The following GET4 variants were observed in gnomAD, a reference collection of about 807,000 sequenced individuals.
The protein encoded by GET4 is guided entry of tail-anchored proteins factor 4.
In GET4, 20 loss-of-function variants were observed where a neutral mutation model predicts 40.0. That is an observed-to-expected ratio of 0.50 (90% CI 0.35 to 0.73). The LOEUF (loss-of-function observed/expected upper bound fraction) is 0.73, where lower values mean the gene tolerates loss of function less well. Among genes scored for constraint, GET4 ranks in the 30% least tolerant of loss-of-function variants. The pLI, the probability that GET4 is intolerant of heterozygous loss-of-function variation, is 0.01. For synonymous variants in GET4, 280 were observed against 194.6 expected (o/e 1.44, Z -3.65); for missense variants, 557 against 454.0 (o/e 1.23, Z -2.06).
rs762630690 is a variant in GET4 at position 895,469 on chromosome 7, G to T, written c.*47G>T. 3 of 1,022,106 alleles carry T rather than the reference G, an allele frequency of 2.9e-6. No homozygotes were observed. Among genetic ancestry groups the T allele is most frequent in the Non-Finnish European group, 4.6e-6 (3 of 656,502 alleles). The allele number at this position is 1,022,106 out of a possible 1,614,324, so 63.3% of individuals were successfully genotyped here. On this transcript the variant is annotated 3_prime_UTR_variant, in exon 9 of 9. Transcript: ENST00000265857. ...CACCACGGTCGACGACGGCTGGAGGGACGTTTCAGAGGCGAGTCCTGGGTG... is the reference window on the plus strand; with the variant it reads ...CACCACGGTCGACGACGGCTGGAGGTACGTTTCAGAGGCGAGTCCTGGGTG...
intron 8 of GET4, 117 bp downstream of exon 8, chr7:894,088 A>C: frequency 6.6e-6 from 4 of 608,780 alleles, no homozygotes; most frequent in Non-Finnish European, 1.1e-5. Context: ...CTGATCTTTT[A>C]AATGTTTCTC....
At chr7:878,372 G>C (rs763605929) in intron 1 of GET4, 4 of 471,068 alleles carry the variant, frequency 8.5e-6, no homozygotes, top group South Asian at 6.2e-5. Flanking sequence ...TATCTCTTAT[G>C]GTTCAGGTCA....
chr7:886,398 C>G, intron 2 of GET4, 171 bp from the exon 3 acceptor site: 1 of 627,832 alleles, frequency 1.6e-6, no homozygotes. Context: ...TCATGTGATT[C>G]TCGGCCAGGA....
At chr7:876,908 G>A in intron 1 of GET4, 108 bp downstream of exon 1, 1 of 508,982 alleles carries the variant, frequency 2.0e-6, no homozygotes, top group Non-Finnish European at 2.6e-6. Context: ...TGCCCGTCGC[G>A]GGGGCGAGCT....
chr7:883,387 C>T (rs1269337283), intron 1 of GET4: 8 of 407,714 alleles, frequency 2.0e-5, no homozygotes, highest in East Asian at 1.6e-4. Context: ...GGGCGGGATT[C>T]GCCCCATGAG....
At chr7:892,166 C>A (rs536923301) in intron 5 of GET4, 112 bp from the exon 6 acceptor site, 5 of 1,091,236 alleles carry the variant, frequency 4.6e-6, no homozygotes, top group Non-Finnish European at 6.8e-6. Context: ...GGCCTTGGGC[C>A]GCAGGAACCG....
At chr7:885,109 T>C (rs927613371) in intron 1 of GET4, 4 of 152,250 alleles carry the variant, frequency 2.6e-5, no homozygotes, top group African/African-American at 9.6e-5. Flanking sequence ...AGTATTTTTC[T>C]TTAACTAGAT....
intron 8 of GET4, among the ~76,000 whole-genome samples, chr7:894,885 G>A (rs1393895281): frequency 1.3e-5 from 2 of 152,226 alleles, no homozygotes; most frequent in African/African-American, 4.8e-5. Flanking sequence ...GCCCCTGTGG[G>A]AGCAGCCGTT....
chr7:877,129 C>T (rs1445419650), intron 1 of GET4, among the ~76,000 whole-genome samples: 5 of 151,806 alleles, frequency 3.3e-5, no homozygotes, highest in African/African-American at 7.3e-5. Flanking sequence ...TCCTCTGTCT[C>T]CTCGGCCGCC....
intron 1 of GET4, chr7:885,735 G>C: frequency 3.3e-6 from 1 of 304,072 alleles, no homozygotes; most frequent in Non-Finnish European, 6.2e-6. Context: ...CCTTCCCTGC[G>C]CACCTGCCCT....
chr7:894,106 T>TTTTG (rs923767198), intron 8 of GET4, 135 bp downstream of exon 8: 20 of 586,980 alleles, frequency 3.4e-5, no homozygotes, highest in African/African-American at 5.7e-5. Flanking sequence ...CTCAGTTTAC[T>TTTTG]TTTGTTAGTA....
chr7:878,482 C>T (rs1844014639), intron 1 of GET4, among the ~76,000 whole-genome samples: 1 of 152,058 alleles, frequency 6.6e-6, no homozygotes, highest in Non-Finnish European at 1.5e-5. Flanking sequence ...TGCCACAGGG[C>T]CGTGAATGTT....
At chr7:886,181 C>T in intron 2 of GET4, 47 bp downstream of exon 2, 1 of 1,269,294 alleles carries the variant, frequency 7.9e-7, no homozygotes. Context: ...TCCGGGCAGG[C>T]AAGTGGAGGT....
At chr7:877,438 C>G (rs1476361160) in intron 1 of GET4, among the ~76,000 whole-genome samples, 16 of 115,974 alleles carry the variant, frequency 1.4e-4, no homozygotes, top group African/African-American at 4.9e-4. Context: ...TGCCCTCACT[C>G]CCGTCTCTCT....
At chr7:883,880 G>C (rs1172580650) in intron 1 of GET4, 3 of 1,024,048 alleles carry the variant, frequency 2.9e-6, no homozygotes, top group African/African-American at 3.4e-5. Flanking sequence ...ACCTGGAAAC[G>C]GGTGCCCCCA....
intron 5 of GET4, 73 bp from the exon 6 acceptor site, chr7:892,205 C>T (rs758673346): frequency 3.1e-5 from 47 of 1,500,142 alleles, no homozygotes; most frequent in African/African-American, 3.0e-4. Flanking sequence ...AAGGACATGT[C>T]GGAGGCCGGC....
rs117846807 is a variant in GET4 at position 892,533 on chromosome 7, G to A, written c.746+115G>A. On this transcript the variant is annotated intron_variant, in intron 6 of 8. Coordinates refer to ENST00000265857, the MANE Select transcript of GET4 (RefSeq NM_015949.3). Reference sequence around the variant, plus strand: ...AAGTGTAGCCATGGTGTGGGTAGCCGTGTGGGTATATGCATAGGGTATGAG... The same window carrying A: ...AAGTGTAGCCATGGTGTGGGTAGCCATGTGGGTATATGCATAGGGTATGAG... 8,375 of 1,142,052 alleles carry A rather than the reference G, an allele frequency of 7.3e-3. 83 individuals carry two copies. The highest frequency in any genetic ancestry group is 0.027 in the Middle Eastern group (91 of 3,346). 70.7% of individuals were successfully genotyped at this position (1,142,052 alleles called of 1,614,324 possible). A position where few individuals can be genotyped will look rare whatever the true frequency, so the allele number is the denominator to read the frequency against.
intron 1 of GET4, among the ~76,000 whole-genome samples, chr7:877,441 GTC>G (rs1171380634): frequency 4.9e-5 from 3 of 61,384 alleles, no homozygotes; most frequent in African/African-American, 1.4e-4. Flanking sequence ...CCTCACTCCC[GTC>G]TCTCTACCCT....
chr7:889,487 T>C (rs1844266780), intron 4 of GET4, among the ~76,000 whole-genome samples: 1 of 151,790 alleles, frequency 6.6e-6, no homozygotes, highest in Admixed American at 6.6e-5. Flanking sequence ...ACGAGGACTC[T>C]GGCAGCCACA....
Sources: gnomAD v4.1 joint callset for allele counts (sites outside exome capture counted in the v4.1 genomes callset) on GRCh38, gnomAD v4.1.1 for gene constraint, MANE v1.5 for transcripts, NCBI Gene and HGNC (gene_info 2026-07-23, HGNC 2026-07-21) for gene names.